IPO11: variants seen among roughly 807,000 people sequenced by gnomAD.
IPO11 encodes the protein importin 11, also known as importin-11.
IPO11 carries 66 observed loss-of-function variants against 143.2 expected under a neutral mutation model. The ratio of observed to expected loss-of-function variants is 0.46; its 90% CI spans 0.38 to 0.57. The LOEUF (loss-of-function observed/expected upper bound fraction) is 0.57, where lower values mean the gene tolerates loss of function less well. Ranked by LOEUF, IPO11 falls within the 20% of genes least tolerant of loss-of-function variation. The pLI, the probability that IPO11 is intolerant of heterozygous loss-of-function variation, is 0.00. For synonymous variants in IPO11, 385 were observed against 377.8 expected (o/e 1.02, Z -0.22); for missense variants, 1,026 against 1,141.0 (o/e 0.90, Z 1.45).
chr5:62,498,619 T>C (rs920051495), intron 16 of IPO11, among the ~76,000 whole-genome samples: 5 of 152,332 alleles, frequency 3.3e-5, no homozygotes, highest in African/African-American at 1.2e-4. Flanking sequence ...CTGGGCACGG[T>C]GGCTCACGCC....
intron 1 of IPO11, among the ~76,000 whole-genome samples, chr5:62,424,040 A>T (rs950780662): frequency 2.6e-5 from 4 of 151,634 alleles, no homozygotes; most frequent in Admixed American, 1.3e-4. Context: ...TTTTTCTGAG[A>T]CATGGTCTCA....
At chr5:62,557,451 G>A (rs1426385772) in intron 26 of IPO11, among the ~76,000 whole-genome samples, 1 of 152,176 alleles carries the variant, frequency 6.6e-6, no homozygotes, top group African/African-American at 2.4e-5. Context: ...CCAAAGTGCT[G>A]GGATTACAGG....
chr5:62,448,488 A>G lies in IPO11; in HGVS notation c.240-1439A>G, dbSNP rs77116554. 5.9e-5 allele frequency among the ~76,000 whole-genome samples: 9 copies of G among 152,298 alleles called. No homozygotes were observed. In the East Asian group the frequency reaches 1.5e-3, roughly 26 times the overall value. ...ATGTTTAGTATGTTTTCATTACTTA[A>G]GTGATTATAACATGGACCCTTGATA... On this transcript the variant is annotated intron_variant, in intron 3 of 29. Coordinates refer to ENST00000325324, the MANE Select transcript of IPO11 (RefSeq NM_016338.5).
At chr5:62,587,823 G>A (rs369224294) in intron 27 of IPO11, among the ~76,000 whole-genome samples, 34 of 152,280 alleles carry the variant, frequency 2.2e-4, no homozygotes, top group African/African-American at 7.9e-4. Context: ...GTGAGGCACA[G>A]AGAGGTTAAA....
intron 27 of IPO11, among the ~76,000 whole-genome samples, chr5:62,588,699 G>T (rs1437207561): frequency 6.6e-6 from 1 of 152,162 alleles, no homozygotes; most frequent in Non-Finnish European, 1.5e-5. Flanking sequence ...TACCAGCTTT[G>T]CAAGCTTCCA....
chr5:62,418,071 A>G (rs1025345299), intron 1 of IPO11, among the ~76,000 whole-genome samples: 9 of 151,750 alleles, frequency 5.9e-5, no homozygotes, highest in Non-Finnish European at 8.8e-5. Context: ...TCTCACCGCA[A>G]CCTCTGCCTC....
chr5:62,561,605 A>T (rs912915627), intron 27 of IPO11, among the ~76,000 whole-genome samples: 1 of 152,188 alleles, frequency 6.6e-6, no homozygotes, highest in South Asian at 2.1e-4. Context: ...TTCAAAGTCA[A>T]TAGCACTTCA....
At chr5:62,433,586 G>C (rs1169488183) in intron 1 of IPO11, among the ~76,000 whole-genome samples, 2 of 152,216 alleles carry the variant, frequency 1.3e-5, no homozygotes, top group Non-Finnish European at 2.9e-5. Context: ...AACTACTGCA[G>C]TGTCTGGCAC....
chr5:62,487,948 C>G, intron 13 of IPO11, 87 bp downstream of exon 13: 4 of 1,084,554 alleles, frequency 3.7e-6, no homozygotes, highest in Non-Finnish European at 5.3e-6. Flanking sequence ...GCATACTGTA[C>G]TGTTTCCTGG....
intron 27 of IPO11, among the ~76,000 whole-genome samples, chr5:62,571,090 AC>A (rs1176768266): frequency 1.3e-5 from 2 of 152,244 alleles, no homozygotes; most frequent in African/African-American, 4.8e-5. Context: ...TTCTAGTTTT[AC>A]CCATGTAGAT....
intron 21 of IPO11, 107 bp downstream of exon 21, chr5:62,526,364 G>A (rs776882821): frequency 4.2e-6 from 3 of 713,880 alleles, no homozygotes; most frequent in Non-Finnish European, 7.1e-6. Context: ...AACAGAAAAT[G>A]TAAACTCTGT....
At chr5:62,581,026 A>G (rs1424436712) in intron 27 of IPO11, 5 of 1,550,952 alleles carry the variant, frequency 3.2e-6, no homozygotes, top group African/African-American at 2.7e-5. Flanking sequence ...GGCTTTTGAC[A>G]TTTTGCTAGC....
At chr5:62,475,932 G>T (rs1279190468) in intron 8 of IPO11, among the ~76,000 whole-genome samples, 2 of 152,188 alleles carry the variant, frequency 1.3e-5, no homozygotes, top group African/African-American at 4.8e-5. Flanking sequence ...TGTGTTTGGG[G>T]ATTTGCTCTC....
chr5:62,604,721 T>TATC (rs969405244), intron 29 of IPO11, among the ~76,000 whole-genome samples: 1 of 152,174 alleles, frequency 6.6e-6, no homozygotes, highest in African/African-American at 2.4e-5. Flanking sequence ...AGATTTATAT[T>TATC]ATCATCTCTA....
At chr5:62,499,684 T>TA (rs1481980795) in intron 16 of IPO11, among the ~76,000 whole-genome samples, 2 of 152,064 alleles carry the variant, frequency 1.3e-5, no homozygotes, top group African/African-American at 2.4e-5. Context: ...TTCTTTAGTT[T>TA]AAAAATTTTT....
chr5:62,588,330 G>A (rs188393393), intron 27 of IPO11, among the ~76,000 whole-genome samples: 30 of 151,736 alleles, frequency 2.0e-4, no homozygotes, highest in African/African-American at 6.8e-4. Context: ...GGCCTCAAGC[G>A]ATCATCTTTA....
At chr5:62,513,483 G>A (rs1741867278) in intron 19 of IPO11, among the ~76,000 whole-genome samples, 1 of 141,774 alleles carries the variant, frequency 7.1e-6, no homozygotes. Context: ...TCCCAGTAGG[G>A]GCGGCCGGGC....
intron 5 of IPO11, among the ~76,000 whole-genome samples, chr5:62,465,586 A>G (rs1175946065): frequency 6.6e-6 from 1 of 152,218 alleles, no homozygotes; most frequent in African/African-American, 2.4e-5. Context: ...AATGATCACT[A>G]AAGTATTTTG....
Position 62,463,309 on chromosome 5 carries a change from GTGCT to G in IPO11, c.517-3821_517-3818del, listed in dbSNP as rs1745441513. On this transcript the variant is annotated intron_variant, in intron 5 of 29. Coordinates refer to ENST00000325324, the MANE Select transcript of IPO11 (RefSeq NM_016338.5). ...GATCCTCTTGCCTTAGCCTCCCAAA[GTGCT>G]AGGATTACAGTTGTGAGATACCATG... Among the ~76,000 whole-genome samples the G allele has an allele frequency of 2.0e-5, 3 of 152,020 alleles. No individual in the cohort carries two copies. In the South Asian group the frequency reaches 6.2e-4, roughly 32 times the overall value.
Sources: allele counts gnomAD v4.1 joint callset (sites outside exome capture counted in the v4.1 genomes callset), GRCh38; gene constraint gnomAD v4.1.1; transcripts MANE v1.5; gene names NCBI Gene and HGNC (gene_info 2026-07-23, HGNC 2026-07-21).